DGKB: variants seen among roughly 807,000 people sequenced by gnomAD.
The protein encoded by DGKB is 90 kDa diacylglycerol kinase.
A neutral mutation model predicts 114.3 loss-of-function variants in DGKB; 67 were observed. The observed-to-expected ratio is 0.59, with a 90% CI of 0.48 to 0.72. DGKB has a LOEUF of 0.72. DGKB is among the 30% of genes least tolerant of loss of function. DGKB has a pLI of 0.00. For missense variants in DGKB, 907 were observed against 975.2 expected, an observed-to-expected ratio of 0.93 and a Z score of 0.93; for synonymous variants, 398 against 323.1, an observed-to-expected ratio of 1.23 and a Z score of -2.49.
At chr7:14,388,451 T>C (rs1195547880) in intron 21 of DGKB, among the ~76,000 whole-genome samples, 1 of 148,464 alleles carries the variant, frequency 6.7e-6, no homozygotes, top group Admixed American at 6.8e-5. Flanking sequence ...ATATAAAATA[T>C]ATATATCTAA....
intron 1 of DGKB, among the ~76,000 whole-genome samples, chr7:14,971,894 C>T (rs1375425913): frequency 1.3e-5 from 2 of 151,716 alleles, no homozygotes; most frequent in Non-Finnish European, 2.9e-5. Context: ...TCCTGTGTAG[C>T]TGTGATTACC....
At chr7:14,238,891 AT>A (rs755243760) in intron 23 of DGKB, among the ~76,000 whole-genome samples, 4 of 152,030 alleles carry the variant, frequency 2.6e-5, no homozygotes, top group Non-Finnish European at 2.9e-5. Context: ...TTAAAAAATA[AT>A]TTTTTTATTT....
intron 25 of DGKB, among the ~76,000 whole-genome samples, chr7:14,159,723 G>A (rs1056016211): frequency 2.0e-5 from 3 of 152,132 alleles, no homozygotes; most frequent in South Asian, 2.1e-4. Flanking sequence ...AGGATGGAGT[G>A]CAGTGGCGCC....
intron 4 of DGKB, chr7:14,750,213 A>G (rs776283848): frequency 9.8e-6 from 5 of 508,154 alleles, no homozygotes; most frequent in Non-Finnish European, 1.6e-5. Flanking sequence ...TTATAGTTAA[A>G]GCATAATTTT....
At chr7:14,378,067 A>C (rs1818789930) in intron 21 of DGKB, among the ~76,000 whole-genome samples, 1 of 152,200 alleles carries the variant, frequency 6.6e-6, no homozygotes, top group Non-Finnish European at 1.5e-5. Context: ...ACTTAGTCAG[A>C]CATTCTTGAA....
At chr7:14,724,534 T>C (rs1829732136) in intron 5 of DGKB, among the ~76,000 whole-genome samples, 1 of 151,968 alleles carries the variant, frequency 6.6e-6, no homozygotes, top group African/African-American at 2.4e-5. Flanking sequence ...TTTCATCTGT[T>C]TGGACATTGG....
intron 13 of DGKB, among the ~76,000 whole-genome samples, chr7:14,662,534 C>T (rs1052648994): frequency 5.9e-5 from 9 of 151,890 alleles, no homozygotes; most frequent in Admixed American, 3.3e-4. Context: ...TAAAGATGTT[C>T]ACTATCATGT....
chr7:14,734,933 G>A (rs1831488017), intron 5 of DGKB, among the ~76,000 whole-genome samples: 1 of 152,144 alleles, frequency 6.6e-6, no homozygotes, highest in South Asian at 2.1e-4. Flanking sequence ...GAGACGAGAA[G>A]GCACAGGGGT....
At chr7:14,946,491 A>G (rs925395665) in intron 1 of DGKB, among the ~76,000 whole-genome samples, 15 of 151,830 alleles carry the variant, frequency 9.9e-5, no homozygotes, top group African/African-American at 2.7e-4. Context: ...CACAGCATAT[A>G]GAATAAAATA....
At chr7:14,667,057 G>A (rs1368546652) in intron 13 of DGKB, among the ~76,000 whole-genome samples, 1 of 151,978 alleles carries the variant, frequency 6.6e-6, no homozygotes, top group South Asian at 2.1e-4. Flanking sequence ...AATTATCTGT[G>A]AAAGCCGTTT....
intron 21 of DGKB, among the ~76,000 whole-genome samples, chr7:14,449,332 T>C (rs1304367555): frequency 6.6e-6 from 1 of 152,198 alleles, no homozygotes; most frequent in African/African-American, 2.4e-5. Context: ...TGTGTACCTT[T>C]GCATTTTACT....
intron 20 of DGKB, among the ~76,000 whole-genome samples, chr7:14,490,978 G>C (rs1430931165): frequency 6.6e-6 from 1 of 151,580 alleles, no homozygotes; most frequent in Non-Finnish European, 1.5e-5. Flanking sequence ...AGAAACAGGA[G>C]AGATGCTAAT....
intron 21 of DGKB, among the ~76,000 whole-genome samples, chr7:14,415,989 T>G (rs1354471200): frequency 6.6e-6 from 1 of 152,150 alleles, no homozygotes; most frequent in Non-Finnish European, 1.5e-5. Context: ...GGTATCTCAT[T>G]GTGGTTTTGA....
At chr7:14,624,556 G>T (rs945221255) in intron 14 of DGKB, among the ~76,000 whole-genome samples, 1 of 152,106 alleles carries the variant, frequency 6.6e-6, no homozygotes, top group Non-Finnish European at 1.5e-5. Flanking sequence ...TTGGCCACAC[G>T]TATAGCTAGG....
chr7:14,393,569 T>C (rs1229250552), intron 21 of DGKB, among the ~76,000 whole-genome samples: 1 of 152,202 alleles, frequency 6.6e-6, no homozygotes, highest in Non-Finnish European at 1.5e-5. Context: ...TTATCTGGCC[T>C]TTACAGGAAA....
intron 1 of DGKB, among the ~76,000 whole-genome samples, chr7:14,872,107 TG>T (rs1389726302): frequency 6.6e-6 from 1 of 152,118 alleles, no homozygotes; most frequent in African/African-American, 2.4e-5. Context: ...TTTTCAAAGA[TG>T]AAGGATCAAG....
chr7:14,399,585 T>C (rs1822774909), intron 21 of DGKB, among the ~76,000 whole-genome samples: 1 of 151,896 alleles, frequency 6.6e-6, no homozygotes, highest in Non-Finnish European at 1.5e-5. Context: ...TGTGAATTGA[T>C]TACTATGTAT....
intron 20 of DGKB, among the ~76,000 whole-genome samples, chr7:14,485,072 T>C (rs1247653722): frequency 7.0e-6 from 1 of 142,988 alleles, no homozygotes; most frequent in African/African-American, 2.6e-5. Context: ...GGAAAAATGA[T>C]AATTACTGAA....
intron 7 of DGKB, among the ~76,000 whole-genome samples, chr7:14,701,046 T>C (rs1411450629): frequency 2.0e-5 from 3 of 152,154 alleles, no homozygotes; most frequent in Non-Finnish European, 4.4e-5. Context: ...AGCAATGATT[T>C]CCATATATTA....
Sources: allele counts gnomAD v4.1 joint callset (sites outside exome capture counted in the v4.1 genomes callset), GRCh38; gene constraint gnomAD v4.1.1; transcripts MANE v1.5; gene names NCBI Gene and HGNC (gene_info 2026-07-23, HGNC 2026-07-21).